ZZZ3: variants seen among roughly 807,000 people sequenced by gnomAD.
The protein encoded by ZZZ3 is zinc finger ZZ-type containing 3, also known as ZZ-type zinc finger-containing protein 3.
In ZZZ3, 22 loss-of-function variants were observed where a neutral mutation model predicts 95.2. That is an observed-to-expected ratio of 0.23 (90% confidence interval 0.17 to 0.33). The LOEUF is 0.33. Ranked by LOEUF, ZZZ3 falls within the 10% of genes least tolerant of loss-of-function variation. The pLI is 1.00. For missense variants in ZZZ3, 885 were observed against 1,066.5 expected, an observed-to-expected ratio of 0.83 and a Z score of 2.37; for synonymous variants, 335 against 358.9, an observed-to-expected ratio of 0.93 and a Z score of 0.75.
At chr1:77,670,281 G>A (rs1036079092) in intron 1 of ZZZ3, among the ~76,000 whole-genome samples, 3 of 150,178 alleles carry the variant, frequency 2.0e-5, no homozygotes, top group African/African-American at 7.4e-5. Context: ...TTGGGGGGGG[G>A]CAGAGTCTCG....
chr1:77,566,033 G>T, intron 14 of ZZZ3, 48 bp downstream of exon 14: 1 of 1,422,798 alleles, frequency 7.0e-7, no homozygotes, highest in Non-Finnish European at 9.7e-7. Flanking sequence ...TGGCTGAGAA[G>T]CTCTTTTCTT....
At chr1:77,630,533 A>T (rs1341251160) in intron 5 of ZZZ3, among the ~76,000 whole-genome samples, 1 of 152,086 alleles carries the variant, frequency 6.6e-6, no homozygotes, top group Non-Finnish European at 1.5e-5. Context: ...ATATATGAAC[A>T]GCAGAACTCA....
rs1378565296 is a variant in ZZZ3 at position 77,631,996 on chromosome 1, A to G, written c.1359T>C (p.Ser453=). 6.2e-7 allele frequency: 1 copy of G among 1,614,096 alleles called. No homozygotes were observed. Among genetic ancestry groups the G allele is most frequent in the Non-Finnish European group, 8.5e-7 (1 of 1,179,974 alleles). ...TGAGTCTTGCCTCTGAGGGTGGTTT[A>G]CTTACTCCTTCACTTCCATTATTTT... ...DSQNNGSEGV[S]KPPSEARLNI... The change falls in exon 5 of 15, where the codon AGT becomes AGC. Residue 453 remains serine, a synonymous_variant. Transcript: ENST00000370801.
At chr1:77,661,839 C>T (rs1034530919) in intron 1 of ZZZ3, among the ~76,000 whole-genome samples, 5 of 152,082 alleles carry the variant, frequency 3.3e-5, no homozygotes, top group African/African-American at 4.8e-5. Context: ...GTTTTCCAGA[C>T]GAGGTCTTGC....
intron 1 of ZZZ3, among the ~76,000 whole-genome samples, chr1:77,658,800 CTCT>C (rs1298098316): frequency 1.3e-5 from 2 of 152,146 alleles, no homozygotes; most frequent in African/African-American, 2.4e-5. Flanking sequence ...TTCTTGTACA[CTCT>C]ATGTCTGCAT....
chr1:77,603,145 C>G (rs1664901104), intron 5 of ZZZ3, among the ~76,000 whole-genome samples: 1 of 151,902 alleles, frequency 6.6e-6, no homozygotes, highest in South Asian at 2.1e-4. Flanking sequence ...AGGATACGAT[C>G]ATGGCTCACT....
In ZZZ3 at chr1:77,632,569, T is replaced by C. The variant is rs766829438; in HGVS notation, c.786A>G (p.Ile262Met). The change falls in exon 5 of 15, where the codon ATA (isoleucine) becomes ATG (methionine). Residue 262 changes from isoleucine to methionine, a missense_variant. Physicochemically the swap from Ile to Met is conservative, Grantham distance 10. Around this residue, in one of 5 missense-constraint regions of ZZZ3, gnomAD observed 556 missense variants for 652.9 expected, o/e 0.85. Coordinates refer to ENST00000370801, the MANE Select transcript of ZZZ3 (RefSeq NM_015534.6). ...FLDSRKEDSY[I>M]DHKVPCTDSQ... Reference sequence around the variant, plus strand: ...AATCTGTGCAAGGCACCTTATGGTCTATATAACTGTCCTCCTTCCTACTAT... The same window carrying C: ...AATCTGTGCAAGGCACCTTATGGTCCATATAACTGTCCTCCTTCCTACTAT... 1 of 1,614,194 alleles carries C rather than the reference T, an allele frequency of 6.2e-7. No homozygotes were observed. Among genetic ancestry groups the C allele is most frequent in the Non-Finnish European group, 8.5e-7 (1 of 1,180,014 alleles).
chr1:77,603,072 A>T (rs769340379), intron 5 of ZZZ3, among the ~76,000 whole-genome samples: 2 of 151,982 alleles, frequency 1.3e-5, no homozygotes, highest in Non-Finnish European at 2.9e-5. Context: ...TATTTCTTTA[A>T]GAACCTGTCA....
chr1:77,629,692 C>T (rs1667623250), intron 5 of ZZZ3, among the ~76,000 whole-genome samples: 1 of 152,084 alleles, frequency 6.6e-6, no homozygotes, highest in Non-Finnish European at 1.5e-5. Flanking sequence ...GGCAAAAAGG[C>T]AAGAATCAGT....
At chr1:77,666,457 C>T (rs1319591451) in intron 1 of ZZZ3, among the ~76,000 whole-genome samples, 2 of 152,094 alleles carry the variant, frequency 1.3e-5, no homozygotes, top group African/African-American at 2.4e-5. Context: ...CGCTTAAACC[C>T]AGGAGGTAGA....
At chr1:77,657,584 C>T (rs965810870) in intron 1 of ZZZ3, among the ~76,000 whole-genome samples, 1 of 152,098 alleles carries the variant, frequency 6.6e-6, no homozygotes, top group Non-Finnish European at 1.5e-5. Context: ...CAAATGACTG[C>T]GAAAGTGCCA....
chr1:77,681,338 A>C (rs1275727583), intron 1 of ZZZ3, among the ~76,000 whole-genome samples: 2 of 152,184 alleles, frequency 1.3e-5, no homozygotes, highest in African/African-American at 4.8e-5. Flanking sequence ...GTTTTAAAAA[A>C]CAAACTATGA....
chr1:77,644,465 T>G (rs1570592552), intron 1 of ZZZ3, among the ~76,000 whole-genome samples: 1 of 152,226 alleles, frequency 6.6e-6, no homozygotes, highest in African/African-American at 2.4e-5. Flanking sequence ...GAGTACATTT[T>G]CTGCTCAGAA....
chr1:77,670,642 G>A (rs1393047733), intron 1 of ZZZ3, among the ~76,000 whole-genome samples: 1 of 151,868 alleles, frequency 6.6e-6, no homozygotes, highest in East Asian at 1.9e-4. Context: ...AATCTATTAA[G>A]GCAACAAAGA....
chr1:77,580,372 G>C (rs1423610666), intron 9 of ZZZ3: 4 of 152,130 alleles, frequency 2.6e-5, no homozygotes, highest in African/African-American at 2.4e-5. Context: ...AATGCACTTT[G>C]AAGCTCAGCT....
intron 4 of ZZZ3, among the ~76,000 whole-genome samples, chr1:77,638,501 T>TTTAC (rs1364804825): frequency 6.6e-6 from 1 of 152,172 alleles, no homozygotes; most frequent in East Asian, 1.9e-4. Context: ...TCTCCAGCTA[T>TTTAC]TTACTTAAGA....
intron 1 of ZZZ3, among the ~76,000 whole-genome samples, chr1:77,677,576 ATGTTT>A (rs892589086): frequency 5.9e-5 from 9 of 152,208 alleles, no homozygotes; most frequent in African/African-American, 2.2e-4. Context: ...ATTGTTCAGT[ATGTTT>A]TAAGAGCCTT....
At chr1:77,660,972 T>G (rs1670723446) in intron 1 of ZZZ3, among the ~76,000 whole-genome samples, 1 of 151,652 alleles carries the variant, frequency 6.6e-6, no homozygotes, top group African/African-American at 2.4e-5. Context: ...CTAGGAAACT[T>G]CAAACCCAAA....
chr1:77,619,917 C>A (rs1371200440), intron 5 of ZZZ3, among the ~76,000 whole-genome samples: 3 of 151,866 alleles, frequency 2.0e-5, no homozygotes, highest in Non-Finnish European at 4.4e-5. Context: ...GAAAAGCATG[C>A]TAAATTTTTC....
Sources: allele counts gnomAD v4.1 joint callset (sites outside exome capture counted in the v4.1 genomes callset), GRCh38; gene constraint gnomAD v4.1.1; regional missense constraint gnomAD v4.1.1; transcripts MANE v1.5; gene names NCBI Gene and HGNC (gene_info 2026-07-23, HGNC 2026-07-21).